The following DPYSL5 variants were observed in gnomAD, a reference collection of about 807,000 sequenced individuals.
The protein encoded by DPYSL5 is dihydropyrimidinase like 5, also known as dihydropyrimidinase-related protein 5.
Under a neutral mutation model 58.4 loss-of-function variants are expected in DPYSL5, and 9 were observed. That is an observed-to-expected ratio of 0.15 (90% confidence interval 0.09 to 0.27). The LOEUF is 0.27. DPYSL5 is among the 10% of genes least tolerant of loss of function. The pLI is 1.00. For missense variants in DPYSL5, 499 were observed against 770.6 expected, an observed-to-expected ratio of 0.65 and a Z score of 4.17; for synonymous variants, 293 against 301.9, an observed-to-expected ratio of 0.97 and a Z score of 0.31.
In DPYSL5 at chr2:26,927,201, G is replaced by A; in HGVS notation, c.421-52G>A. The A allele has an allele frequency of 6.4e-7, 1 of 1,559,070 alleles. No homozygotes were observed. On this transcript the variant is annotated intron_variant, in intron 3 of 12. Transcript: ENST00000288699. This position sits in a 1 kb window ranked among gnomAD's most constrained non-coding sequence, Gnocchi z 4.3. ...ATGCTGGGCCGGTGCCTGCCAGTCG[G>A]CCTCTTGGGTGTCTGCCCTCACGCA...
chr2:26,924,466 C>T lies in DPYSL5; in HGVS notation c.262-421C>T, dbSNP rs948345229. ...TGATATAAACAGACATTTGATTATG[C>T]CATCAATATTATGTTATTATATGAT... On this transcript the variant is annotated intron_variant, in intron 2 of 12. Transcript: ENST00000288699. This position sits in a 1 kb window ranked among gnomAD's most constrained non-coding sequence, Gnocchi z 4.7. 6.6e-6 allele frequency among the ~76,000 whole-genome samples: 1 copy of T among 152,032 alleles called. No homozygotes were observed. Among genetic ancestry groups the T allele is most frequent in the African/African-American group, 2.4e-5 (1 of 41,370 alleles).
At position 26,949,885 on chromosome 2, in the gene DPYSL5, T is replaced by G. The variant is rs1572728936; in HGVS notation, c.*2890T>G. On this transcript the variant is annotated 3_prime_UTR_variant, in exon 13 of 13. Transcript: ENST00000288699. ...TGGTTGGAACGAAAGGGTCTCTGGT[T>G]GCACTGAATGCAGCTCTCAAACTGG... 1 of 152,618 alleles carries G rather than the reference T, an allele frequency of 6.6e-6. No individual in the cohort carries two copies. Among genetic ancestry groups the G allele is most frequent in the South Asian group, 2.1e-4 (1 of 4,838 alleles). The allele number at this position is 152,618 out of a possible 1,614,324, so 9.5% of individuals were successfully genotyped here.
At chr2:26,903,506 C>G (rs1038700562) in intron 2 of DPYSL5, among the ~76,000 whole-genome samples, 1 of 152,150 alleles carries the variant, frequency 6.6e-6, no homozygotes, top group Non-Finnish European at 1.5e-5. Flanking sequence ...CCCAGCCCAG[C>G]CCAGCCCAGT....
rs940947105 is a variant in DPYSL5, at chr2:26,927,186, G to A, written c.421-67G>A. 50 of 1,508,742 alleles carry A rather than the reference G, an allele frequency of 3.3e-5. No homozygotes were observed. Among genetic ancestry groups the A allele is most frequent in the Middle Eastern group, 1.8e-4 (1 of 5,580 alleles). 93.5% of individuals were successfully genotyped at this position (1,508,742 alleles called of 1,614,324 possible). A position where few individuals can be genotyped will look rare whatever the true frequency, so the allele number is the denominator to read the frequency against. On this transcript the variant is annotated intron_variant, in intron 3 of 12. Coordinates refer to ENST00000288699, the MANE Select transcript of DPYSL5 (RefSeq NM_020134.4). The surrounding 1 kb of genome is among the most constrained non-coding windows in gnomAD (Gnocchi z 4.3). ...CCCCACATCTCCCCCATGCTGGGCCGGTGCCTGCCAGTCGGCCTCTTGGGT... is the reference window on the plus strand; with the variant it reads ...CCCCACATCTCCCCCATGCTGGGCCAGTGCCTGCCAGTCGGCCTCTTGGGT...
At position 26,924,786 on chromosome 2, in the gene DPYSL5, A is replaced by G; in HGVS notation, c.262-101A>G. On this transcript the variant is annotated intron_variant, in intron 2 of 12. Coordinates refer to ENST00000288699, the MANE Select transcript of DPYSL5 (RefSeq NM_020134.4). The surrounding 1 kb of genome is among the most constrained non-coding windows in gnomAD (Gnocchi z 4.7). ...TGGTCCTCACAGCCTCTTGTGAGGC[A>G]GGGCCTGTCTTTGAATGGACCATGA... The G allele has an allele frequency of 6.9e-7, 1 of 1,455,792 alleles. No homozygotes were observed. The highest frequency in any genetic ancestry group is 9.2e-7 in the Non-Finnish European group (1 of 1,090,708). 90.2% of individuals were successfully genotyped at this position (1,455,792 alleles called of 1,614,324 possible). A position where few individuals can be genotyped will look rare whatever the true frequency, so the allele number is the denominator to read the frequency against.
chr2:26,917,544 G>T (rs182872723), intron 2 of DPYSL5, among the ~76,000 whole-genome samples: 420 of 152,152 alleles, frequency 2.8e-3, no homozygotes, highest in African/African-American at 9.7e-3. Context: ...GTGTGGGGTT[G>T]GGGGGTGGTG....
intron 2 of DPYSL5, among the ~76,000 whole-genome samples, chr2:26,917,031 G>C (rs1470417359): frequency 6.6e-6 from 1 of 152,206 alleles, no homozygotes; most frequent in African/African-American, 2.4e-5. Context: ...CTTATATGCT[G>C]TATGTCATTT....
intron 2 of DPYSL5, among the ~76,000 whole-genome samples, chr2:26,913,375 T>C (rs536994180): frequency 6.6e-6 from 1 of 152,346 alleles, no homozygotes; most frequent in South Asian, 2.1e-4. Context: ...TGTTGTTTTG[T>C]GACTGGATTG....
intron 2 of DPYSL5, among the ~76,000 whole-genome samples, chr2:26,923,164 CAG>C (rs139478270): frequency 0.043 from 6,492 of 152,172 alleles, 189 homozygotes; most frequent in Non-Finnish European, 0.062. Context: ...CTACAGAAAA[CAG>C]ATAAACACCT....
chr2:26,909,143 G>A (rs996405906), intron 2 of DPYSL5, among the ~76,000 whole-genome samples: 6 of 152,158 alleles, frequency 3.9e-5, no homozygotes, highest in African/African-American at 1.2e-4. Flanking sequence ...GATTACTGCA[G>A]CCAGCCACAT....
chr2:26,901,036 A>G (rs1409996921), intron 2 of DPYSL5, among the ~76,000 whole-genome samples: 1 of 152,060 alleles, frequency 6.6e-6, no homozygotes, highest in East Asian at 1.9e-4. Flanking sequence ...GGTGGTGAGT[A>G]ACTCTTGATC....
intron 2 of DPYSL5, among the ~76,000 whole-genome samples, chr2:26,919,313 T>C (rs1452180038): frequency 6.6e-6 from 1 of 152,230 alleles, no homozygotes; most frequent in Non-Finnish European, 1.5e-5. Context: ...TTGCCAAGTG[T>C]ATGCCTGGAA....
intron 1 of DPYSL5, 171 bp downstream of exon 1, chr2:26,848,425 TC>T (rs1246488371): frequency 6.6e-6 from 1 of 152,334 alleles, no homozygotes; most frequent in African/African-American, 2.4e-5. Context: ...GAGGTGGCCA[TC>T]GGGGCTAAGC....
chr2:26,879,161 C>A (rs1369187497), intron 1 of DPYSL5, among the ~76,000 whole-genome samples: 2 of 152,056 alleles, frequency 1.3e-5, no homozygotes, highest in African/African-American at 4.8e-5. Flanking sequence ...GGCCGGGGAC[C>A]AACCAGAAGT....
chr2:26,925,595 C>T lies in DPYSL5; in HGVS notation c.420+550C>T, dbSNP rs1572710106. ...TGTCCTGGTCTGTGACTGAGGCTGG[C>T]ACCCCCTGAGCCTTTCTCAGTTCAG... On this transcript the variant is annotated intron_variant, in intron 3 of 12. Transcript: ENST00000288699. This position sits in a 1 kb window ranked among gnomAD's most constrained non-coding sequence, Gnocchi z 4.5. Among the ~76,000 whole-genome samples the T allele has an allele frequency of 1.3e-5, 2 of 152,266 alleles. No individual in the cohort carries two copies. The highest frequency in any genetic ancestry group is 6.5e-5 in the Admixed American group (1 of 15,290).
intron 1 of DPYSL5, among the ~76,000 whole-genome samples, chr2:26,866,470 A>G (rs536901779): frequency 1.3e-5 from 1 of 78,404 alleles, no homozygotes; most frequent in East Asian, 2.6e-4. Flanking sequence ...CATTATGCAA[A>G]CACACACACA....
intron 8 of DPYSL5, among the ~76,000 whole-genome samples, chr2:26,938,179 T>C (rs976724233): frequency 2.6e-5 from 4 of 152,214 alleles, no homozygotes; most frequent in Non-Finnish European, 5.9e-5. Flanking sequence ...AGAATGTAAC[T>C]ACCGTCATTC....
At chr2:26,945,653 C>G (rs1200967585) in intron 12 of DPYSL5, among the ~76,000 whole-genome samples, 1 of 152,200 alleles carries the variant, frequency 6.6e-6, no homozygotes, top group Non-Finnish European at 1.5e-5. Flanking sequence ...GGGGCTAGGA[C>G]CCTGAGTCTC....
intron 1 of DPYSL5, among the ~76,000 whole-genome samples, chr2:26,861,459 G>C (rs753990909): frequency 6.6e-6 from 1 of 152,166 alleles, no homozygotes; most frequent in Non-Finnish European, 1.5e-5. Flanking sequence ...CACTGGGCCA[G>C]GTGTCATCAT....
Sources: gnomAD v4.1 joint callset for allele counts (sites outside exome capture counted in the v4.1 genomes callset) on GRCh38, gnomAD v4.1.1 for gene constraint, Gnocchi (gnomAD v3.1) non-coding constraint, MANE v1.5 for transcripts, NCBI Gene and HGNC (gene_info 2026-07-23, HGNC 2026-07-21) for gene names.